The following DNM1 variants were observed in gnomAD, a reference collection of about 807,000 sequenced individuals.
DNM1 encodes dynamin-1.
Under a neutral mutation model 104.6 loss-of-function variants are expected in DNM1, and 29 were observed. The observed-to-expected ratio is 0.28, with a 90% confidence interval of 0.21 to 0.38. The LOEUF is 0.38. Among genes scored for constraint, DNM1 ranks in the 10% least tolerant of loss-of-function variants. The pLI is 1.00. For missense variants in DNM1, 640 were observed against 1,189.4 expected (o/e 0.54, Z 6.79); for synonymous variants, 445 against 475.8 (o/e 0.94, Z 0.84).
Position 128,203,646 on chromosome 9 carries a change from C to T in DNM1, c.161+15C>T. 6.6e-7 allele frequency: 1 copy of T among 1,506,378 alleles called. No homozygotes were observed. The highest frequency in any genetic ancestry group is 8.8e-7 in the Non-Finnish European group (1 of 1,134,952). 93.3% of individuals were successfully genotyped at this position (1,506,378 alleles called of 1,614,324 possible). ...TTCGTAGGCAGGTAGGCGCGGCGCG[C>T]CCCCAGGCGCCGACCCCCGACCCCC... On this transcript the variant is annotated intron_variant, in intron 1 of 21. Coordinates refer to ENST00000372923, the MANE Select transcript of DNM1 (RefSeq NM_004408.4). This position sits in a 1 kb window ranked among gnomAD's most constrained non-coding sequence, Gnocchi z 5.3.
At chr9:128,219,965 G>C (rs756442481) in intron 4 of DNM1, 23 bp from the exon 5 acceptor site, 1 of 1,533,144 alleles carries the variant, frequency 6.5e-7, no homozygotes, top group African/African-American at 1.4e-5. Context: ...AGCTGTAGAC[G>C]GCCCTCCTGC....
intron 11 of DNM1, among the ~76,000 whole-genome samples, chr9:128,238,879 T>A (rs1162234923): frequency 6.6e-6 from 1 of 151,396 alleles, no homozygotes; most frequent in African/African-American, 2.4e-5. Flanking sequence ...ATGGTCTCGA[T>A]CTCCTGACCT....
Position 128,246,484 on chromosome 9 carries a change from C to G in DNM1, c.1762C>G (p.Leu588Val). 1 of 1,613,972 alleles carries G rather than the reference C, an allele frequency of 6.2e-7. No individual in the cohort carries two copies. The highest frequency in any genetic ancestry group is 8.5e-7 in the Non-Finnish European group (1 of 1,179,908). ...GFMSSKHIFALFNTEQRNVYK... is the reference protein window; with the variant it reads ...GFMSSKHIFAVFNTEQRNVYK... ...TATGTCGAGCAAGCATATCTTTGCC[C>G]TCTTTAACACGGAGCAGAGGTGCCT... The change falls in exon 16 of 22, where the codon CTC becomes GTC. Residue 588 changes from leucine to valine, a missense_variant. This residue lies in a region of DNM1 where 91 missense variants were observed against 256.3 expected (regional missense o/e 0.36). Coordinates refer to ENST00000372923, the MANE Select transcript of DNM1 (RefSeq NM_004408.4).
intron 11 of DNM1, among the ~76,000 whole-genome samples, chr9:128,234,359 C>T (rs909589975): frequency 4.6e-5 from 7 of 152,250 alleles, no homozygotes; most frequent in Non-Finnish European, 1.0e-4. Context: ...ACAGCAACAT[C>T]CATCCACAGA....
rs1829660539 is a variant in DNM1, at chr9:128,253,563, TGA to T, written c.2535-1089_2535-1088del. The T allele has an allele frequency of 4.7e-6, 1 of 213,524 alleles. No individual in the cohort carries two copies. Among genetic ancestry groups the T allele is most frequent in the Non-Finnish European group, 9.3e-6 (1 of 107,872 alleles). 13.2% of individuals were successfully genotyped at this position (213,524 alleles called of 1,614,324 possible). On this transcript the variant is annotated intron_variant, in intron 21 of 21. Coordinates refer to ENST00000372923, the MANE Select transcript of DNM1 (RefSeq NM_004408.4). The surrounding 1 kb of genome is among the most constrained non-coding windows in gnomAD (Gnocchi z 5.9). ...GGCACACCGTGCGTGGTGTGCAGTC[TGA>T]GTCATGCTCCCTGGGTAGGGCATCC...
chr9:128,217,818 G>C (rs1316810368), intron 1 of DNM1, among the ~76,000 whole-genome samples: 2 of 152,210 alleles, frequency 1.3e-5, no homozygotes, highest in Non-Finnish European at 2.9e-5. Context: ...CCCCACAGCG[G>C]AAGGGAGGGG....
Position 128,250,099 on chromosome 9 carries a change from C to G in DNM1, c.2077-16C>G, listed in dbSNP as rs750937541. The G allele has an allele frequency of 2.5e-6, 4 of 1,614,018 alleles. No homozygotes were observed. Among genetic ancestry groups the G allele is most frequent in the Non-Finnish European group, 2.5e-6 (3 of 1,179,934 alleles). On this transcript the variant is annotated splice_polypyrimidine_tract_variant and intron_variant, in intron 19 of 21. Coordinates refer to ENST00000372923, the MANE Select transcript of DNM1 (RefSeq NM_004408.4). ...GCATCAGGTCCCCACCTCCTTCCCT[C>G]TTTGCCTACTCGCAGACCAAGGAGT...
chr9:128,231,465 T>C (rs962149700), intron 10 of DNM1, among the ~76,000 whole-genome samples: 2 of 152,286 alleles, frequency 1.3e-5, no homozygotes, highest in Non-Finnish European at 2.9e-5. Context: ...CCTCCCAATG[T>C]ACTGGGATTA....
intron 10 of DNM1, among the ~76,000 whole-genome samples, chr9:128,230,056 A>G (rs761143286): frequency 6.6e-6 from 1 of 151,988 alleles, no homozygotes; most frequent in Non-Finnish European, 1.5e-5. Flanking sequence ...TGTCTCTACT[A>G]AAAACACAAA....
In DNM1 at chr9:128,222,982, C is replaced by G; in HGVS notation, c.1196+122C>G. ...ACTGAAAGCTCTGTTCCCCAGTCCT[C>G]TCGACCCCAACTTTCTGGCTCCCTG... On this transcript the variant is annotated intron_variant, in intron 9 of 21. Coordinates refer to ENST00000372923, the MANE Select transcript of DNM1 (RefSeq NM_004408.4). This position sits in a 1 kb window ranked among gnomAD's most constrained non-coding sequence, Gnocchi z 7.8. The G allele has an allele frequency of 1.0e-6, 1 of 980,482 alleles. No individual in the cohort carries two copies. The highest frequency in any genetic ancestry group is 1.5e-6 in the Non-Finnish European group (1 of 649,412). The allele number at this position is 980,482 out of a possible 1,614,324, so 60.7% of individuals were successfully genotyped here. A position where few individuals can be genotyped will look rare whatever the true frequency, so the allele number is the denominator to read the frequency against.
chr9:128,218,912 C>CT lies in DNM1; in HGVS notation c.386-134dup. 7.7e-7 allele frequency: 1 copy of CT among 1,292,180 alleles called. No homozygotes were observed. The allele number at this position is 1,292,180 out of a possible 1,614,324, so 80.0% of individuals were successfully genotyped here. On this transcript the variant is annotated intron_variant, in intron 3 of 21. Transcript: ENST00000372923. This position sits in a 1 kb window ranked among gnomAD's most constrained non-coding sequence, Gnocchi z 4.8. Reference sequence around the variant, plus strand: ...CGGCCACGCCTCCAACAGACTGCCACTTTCGCCCTGAGATTTCCTAGTCCC... The same window carrying CT: ...CGGCCACGCCTCCAACAGACTGCCACTTTTCGCCCTGAGATTTCCTAGTCCC...
At chr9:128,249,964 C>G (rs1476369746) in intron 19 of DNM1, 151 bp from the exon 20 acceptor site, 2 of 1,128,686 alleles carry the variant, frequency 1.8e-6, no homozygotes, top group South Asian at 1.5e-5. Context: ...GTGAGAAAAG[C>G]GCGGTGGGGA....
Position 128,245,968 on chromosome 9 carries a change from G to GC in DNM1, c.1672-424dup, listed in dbSNP as rs1252084591. 6.6e-6 allele frequency among the ~76,000 whole-genome samples: 1 copy of GC among 152,244 alleles called. No homozygotes were observed. The highest frequency in any genetic ancestry group is 1.9e-4 in the East Asian group (1 of 5,202). The stretch of plus-strand genomic sequence containing the variant: ...TGGGGAGCTCGGGGGAGTGGGCTGA[G>GC]CCGGCCCTTTGAAGCCGCCGGGTCT... On this transcript the variant is annotated intron_variant, in intron 15 of 21. Transcript: ENST00000372923. The surrounding 1 kb of genome is among the most constrained non-coding windows in gnomAD (Gnocchi z 5.2).
In DNM1 at chr9:128,234,186, G is replaced by T. The variant is rs1031040225; in HGVS notation, c.1422+79G>T. The T allele has an allele frequency of 6.6e-6, 8 of 1,209,584 alleles. No individual in the cohort carries two copies. The African/African-American group carries it at 1.1e-4, about 16-fold the overall frequency. The allele number at this position is 1,209,584 out of a possible 1,614,324, so 74.9% of individuals were successfully genotyped here. On this transcript the variant is annotated intron_variant, in intron 11 of 21. Transcript: ENST00000372923. ...TGCGCCTTCCACTCCTGGCCCTGGGGTTGCTTCCTTCTTGTTTTGTCTCTT... is the reference window on the plus strand; with the variant it reads ...TGCGCCTTCCACTCCTGGCCCTGGGTTTGCTTCCTTCTTGTTTTGTCTCTT...
At chr9:128,209,664 C>T (rs994265624) in intron 1 of DNM1, among the ~76,000 whole-genome samples, 5 of 152,188 alleles carry the variant, frequency 3.3e-5, no homozygotes. Flanking sequence ...GTCCCCTCTC[C>T]GCAGGCTGCC....
chr9:128,222,882 G>C lies in DNM1; in HGVS notation c.1196+22G>C. The stretch of plus-strand genomic sequence containing the variant: ...TTAGGCACGTATTGGGGCCTGGGAG[G>C]GTGGCTGAACCCCAGAAGTAGGGGG... On this transcript the variant is annotated intron_variant, in intron 9 of 21. Coordinates refer to ENST00000372923, the MANE Select transcript of DNM1 (RefSeq NM_004408.4). The surrounding 1 kb of genome is among the most constrained non-coding windows in gnomAD (Gnocchi z 7.8). The C allele has an allele frequency of 6.2e-7, 1 of 1,612,978 alleles. No homozygotes were observed. The highest frequency in any genetic ancestry group is 8.5e-7 in the Non-Finnish European group (1 of 1,179,352).
rs531228883 is a variant in DNM1 at position 128,224,461 on chromosome 9, C to T, written c.1335+72C>T. 1 of 1,481,154 alleles carries T rather than the reference C, an allele frequency of 6.8e-7. No homozygotes were observed. The highest frequency in any genetic ancestry group is 1.4e-5 in the African/African-American group (1 of 72,180). 91.8% of individuals were successfully genotyped at this position (1,481,154 alleles called of 1,614,324 possible). A position where few individuals can be genotyped will look rare whatever the true frequency, so the allele number is the denominator to read the frequency against. ...GCACTGCTGCCAGGCGCTCCTTCCC[C>T]ATGTCCCCCCCTGCCTCCTCGGTAG... On this transcript the variant is annotated intron_variant, in intron 10 of 21. Coordinates refer to ENST00000372923, the MANE Select transcript of DNM1 (RefSeq NM_004408.4). This position sits in a 1 kb window ranked among gnomAD's most constrained non-coding sequence, Gnocchi z 4.3.
chr9:128,251,082 C>T, intron 21 of DNM1, 142 bp downstream of exon 21: 2 of 679,730 alleles, frequency 2.9e-6, no homozygotes, highest in Admixed American at 2.4e-5. Context: ...GGTGCCGGAG[C>T]CACGCCACGT....
chr9:128,252,278 T>C (rs569739494), intron 21 of DNM1: 46 of 316,982 alleles, frequency 1.5e-4, no homozygotes, highest in African/African-American at 9.6e-4. Flanking sequence ...AGGTCTATGG[T>C]GCGGTGTGAG....
Sources: allele counts gnomAD v4.1 joint callset (sites outside exome capture counted in the v4.1 genomes callset), GRCh38; gene constraint gnomAD v4.1.1; regional missense constraint gnomAD v4.1.1; non-coding constraint Gnocchi (gnomAD v3.1); transcripts MANE v1.5; gene names NCBI Gene and HGNC (gene_info 2026-07-23, HGNC 2026-07-21).